Variants in PCSK5 observed in about 807,000 individuals in gnomAD.
PCSK5 encodes the protein proprotein convertase subtilisin/kexin type 5, also known as prohormone convertase 5.
A neutral mutation model predicts 233.2 loss-of-function variants in PCSK5; 129 were observed. The ratio of observed to expected loss-of-function variants is 0.55; its 90% CI spans 0.48 to 0.64. The LOEUF (loss-of-function observed/expected upper bound fraction) is 0.64, where lower values mean the gene tolerates loss of function less well. Ranked by LOEUF, PCSK5 falls within the 30% of genes least tolerant of loss-of-function variation. PCSK5 has a pLI of 0.00. For synonymous variants in PCSK5, 825 were observed against 879.2 expected (o/e 0.94, Z 1.09); for missense variants, 2,076 against 2,430.1 (o/e 0.85, Z 3.06).
intron 1 of PCSK5, among the ~76,000 whole-genome samples, chr9:75,909,424 G>A (rs185312629): frequency 4.2e-5 from 6 of 143,768 alleles, no homozygotes; most frequent in East Asian, 2.2e-4. Flanking sequence ...AGCTGGGTGC[G>A]GTAGCTCACG....
At position 76,332,557 on chromosome 9, in the gene PCSK5, C is replaced by T; in HGVS notation, c.4695C>T (p.Cys1565=). ...GACACAGCAGGCAGTGCCACTCCTG[C>T]CGACCGGGCTGGTTCCAGCTAGGAA... is the stretch of plus-strand genomic sequence containing the variant. ...EGRHSRQCHS[C]RPGWFQLGKE... is the part of the protein sequence containing the mutation. Residue 1565 remains cysteine (C), a synonymous_variant, in exon 34 of 38, where the codon TGC becomes TGT. Transcript: ENST00000674117. 6.2e-7 allele frequency: 1 copy of T among 1,611,364 alleles called. No homozygotes were observed. Among genetic ancestry groups the T allele is most frequent in the Non-Finnish European group, 8.5e-7 (1 of 1,179,150 alleles).
At chr9:76,056,416 G>A (rs1829821095) in intron 5 of PCSK5, among the ~76,000 whole-genome samples, 1 of 152,142 alleles carries the variant, frequency 6.6e-6, no homozygotes. Flanking sequence ...AGGGCAAAAG[G>A]AGAAGTGAAG....
At chr9:75,943,701 C>A (rs562091273) in intron 2 of PCSK5, among the ~76,000 whole-genome samples, 1 of 152,260 alleles carries the variant, frequency 6.6e-6, no homozygotes, top group African/African-American at 2.4e-5. Context: ...TGAAGACTTA[C>A]CATTTTTCAT....
At chr9:76,253,909 A>G (rs1055093205) in intron 24 of PCSK5, among the ~76,000 whole-genome samples, 3 of 152,272 alleles carry the variant, frequency 2.0e-5, no homozygotes, top group South Asian at 2.1e-4. Context: ...ATAAGTAAAC[A>G]CTAGGATACA....
rs568443647 is a variant in PCSK5 at position 76,163,890 on chromosome 9, C to T, written c.1619+4719C>T. On this transcript the variant is annotated intron_variant, in intron 12 of 37. Transcript: ENST00000674117. ...TTTTTTTTTTTTTTTCCTGAATCTC[C>T]CTTATTGAGTTTTAGATTTAGCTTA... Among the ~76,000 whole-genome samples the T allele has an allele frequency of 6.0e-5, 8 of 132,562 alleles. 1 individual carries two copies. The South Asian group carries it at 1.5e-3, about 24-fold the overall frequency. The allele number at this position is 132,562 out of a possible 152,430, so 87.0% of individuals were successfully genotyped here.
chr9:76,053,941 T>C (rs1160726730), intron 5 of PCSK5, among the ~76,000 whole-genome samples: 1 of 152,134 alleles, frequency 6.6e-6, no homozygotes, highest in Non-Finnish European at 1.5e-5. Flanking sequence ...ATACTCGAGA[T>C]TGGGTAACTT....
At chr9:75,903,611 T>TA (rs1467469355) in intron 1 of PCSK5, among the ~76,000 whole-genome samples, 5 of 139,750 alleles carry the variant, frequency 3.6e-5, no homozygotes, top group South Asian at 2.2e-4. Flanking sequence ...TATATATATA[T>TA]TATATATATA....
chr9:76,030,816 G>T (rs17776207), intron 5 of PCSK5, among the ~76,000 whole-genome samples: 3 of 151,524 alleles, frequency 2.0e-5, no homozygotes, highest in African/African-American at 4.9e-5. Flanking sequence ...CACTTCCCAA[G>T]ACCCTTGTTC....
intron 7 of PCSK5, among the ~76,000 whole-genome samples, chr9:76,073,071 G>C (rs1830533463): frequency 6.6e-6 from 1 of 152,200 alleles, no homozygotes; most frequent in Non-Finnish European, 1.5e-5. Flanking sequence ...TTGCATTCTA[G>C]TGAGTATTCA....
chr9:76,233,965 A>C (rs1826176286), intron 22 of PCSK5, among the ~76,000 whole-genome samples: 2 of 152,132 alleles, frequency 1.3e-5, no homozygotes. Flanking sequence ...TCTGTCTTTA[A>C]GGGAAGTATG....
intron 24 of PCSK5, among the ~76,000 whole-genome samples, chr9:76,247,361 A>C (rs1826645953): frequency 1.3e-5 from 2 of 152,206 alleles, no homozygotes. Context: ...AGGGGACCCA[A>C]AGAGTGTAGC....
chr9:76,061,435 G>C (rs946488330), intron 5 of PCSK5, among the ~76,000 whole-genome samples: 2 of 152,056 alleles, frequency 1.3e-5, no homozygotes, highest in African/African-American at 2.4e-5. Context: ...TAATAAACCA[G>C]AGCTGAATTT....
intron 1 of PCSK5, among the ~76,000 whole-genome samples, chr9:75,927,806 C>A (rs1028373641): frequency 6.6e-6 from 1 of 152,126 alleles, no homozygotes; most frequent in African/African-American, 2.4e-5. Context: ...CCAAAAACTT[C>A]GGTGATTATT....
chr9:76,190,113 C>G (rs34756671), intron 20 of PCSK5, among the ~76,000 whole-genome samples: 1 of 152,136 alleles, frequency 6.6e-6, no homozygotes, highest in African/African-American at 2.4e-5. Context: ...ACATCAAGCA[C>G]TAGAGGAATA....
chr9:76,106,047 A>G (rs1354048772), intron 8 of PCSK5, among the ~76,000 whole-genome samples: 2 of 152,204 alleles, frequency 1.3e-5, no homozygotes, highest in Admixed American at 6.5e-5. Flanking sequence ...TCCAAACCAA[A>G]TTTAACTAAT....
chr9:75,960,051 C>T (rs1162249965), intron 2 of PCSK5, among the ~76,000 whole-genome samples: 5 of 152,154 alleles, frequency 3.3e-5, no homozygotes, highest in Non-Finnish European at 5.9e-5. Flanking sequence ...CCAAAGTCCA[C>T]ATTTGTAATC....
intron 24 of PCSK5, among the ~76,000 whole-genome samples, chr9:76,242,656 T>C (rs1304853627): frequency 1.3e-5 from 2 of 152,228 alleles, no homozygotes; most frequent in African/African-American, 4.8e-5. Flanking sequence ...ATGATGAATG[T>C]TTTGATTATC....
chr9:76,300,538 A>G (rs1078868), intron 27 of PCSK5, among the ~76,000 whole-genome samples: 110,034 of 152,122 alleles, frequency 0.72, 40,146 homozygotes, highest in East Asian at 0.94. Context: ...TGGAAACACT[A>G]CAAATCAGGT....
At chr9:76,114,654 T>G (rs537421728) in intron 9 of PCSK5, among the ~76,000 whole-genome samples, 52 of 152,224 alleles carry the variant, frequency 3.4e-4, no homozygotes, top group Non-Finnish European at 5.9e-4. Context: ...GACAGAAAAG[T>G]TCTTAGGAGA....
Sources: gnomAD v4.1 joint callset for allele counts (sites outside exome capture counted in the v4.1 genomes callset) on GRCh38, gnomAD v4.1.1 for gene constraint, MANE v1.5 for transcripts, NCBI Gene and HGNC (gene_info 2026-07-23, HGNC 2026-07-21) for gene names.